DUSP22: variants seen among roughly 807,000 people sequenced by gnomAD.
DUSP22 encodes the protein dual specificity protein phosphatase 22.
In DUSP22, 24 loss-of-function variants were observed where a neutral mutation model predicts 24.5. That is an observed-to-expected ratio of 0.98 (90% confidence interval 0.71 to 1.38). The LOEUF (loss-of-function observed/expected upper bound fraction) is 1.38, where lower values mean the gene tolerates loss of function less well. Ranked by LOEUF, DUSP22 falls within the 40% of genes most tolerant of loss-of-function variation. DUSP22 has a pLI of 0.00. For missense variants in DUSP22, 330 were observed against 269.2 expected, an observed-to-expected ratio of 1.23 and a Z score of -1.58; for synonymous variants, 160 against 106.4, an observed-to-expected ratio of 1.50 and a Z score of -3.10.
At chr6:299,413 T>C (rs1277610914) in intron 1 of DUSP22, among the ~76,000 whole-genome samples, 10 of 152,298 alleles carry the variant, frequency 6.6e-5, no homozygotes, top group Non-Finnish European at 1.5e-4. Flanking sequence ...GGTCAAAATT[T>C]TTGGGTTTCA....
intron 1 of DUSP22, among the ~76,000 whole-genome samples, chr6:295,785 G>A (rs1319632545): frequency 1.1e-4 from 16 of 144,400 alleles, no homozygotes; most frequent in African/African-American, 4.0e-4. Flanking sequence ...GAGCGACAGA[G>A]CGAGACCCTG....
chr6:333,425 A>G (rs1373343752), intron 3 of DUSP22, among the ~76,000 whole-genome samples: 1 of 152,308 alleles, frequency 6.6e-6, no homozygotes, highest in African/African-American at 2.4e-5. Context: ...AACAAAATGT[A>G]CAGAAACTGT....
rs544399076 is a variant in DUSP22 at position 314,928 on chromosome 6, A to T, written c.138+2966A>T. ...GTTGGGGTTTCCCAAAATAGCATTC[A>T]TAGCATCTTGTACTCTTCCTAGCAG... On this transcript the variant is annotated intron_variant, in intron 3 of 6. Transcript: ENST00000419235. Among the ~76,000 whole-genome samples, 26 of 152,416 alleles carry T rather than the reference A, an allele frequency of 1.7e-4. No individual in the cohort carries two copies. In the East Asian group the frequency reaches 5.0e-3, roughly 29 times the overall value.
chr6:350,944 G>GT lies in DUSP22; in HGVS notation c.*1996dup. The stretch of plus-strand genomic sequence containing the variant: ...CTGCCAAAAAGAAAAGCAACATAGA[G>GT]TTTAAGTATCCAGTAGTGATTTGTA... On this transcript the variant is annotated 3_prime_UTR_variant, in exon 7 of 7. Coordinates refer to ENST00000419235, the MANE Select transcript of DUSP22 (RefSeq NM_001286555.3). 1.9e-6 allele frequency: 3 copies of GT among 1,568,826 alleles called. No homozygotes were observed. The highest frequency in any genetic ancestry group is 1.4e-5 in the African/African-American group (1 of 74,036).
chr6:299,000 G>T (rs1305269031), intron 1 of DUSP22, among the ~76,000 whole-genome samples: 1 of 152,306 alleles, frequency 6.6e-6, no homozygotes, highest in Non-Finnish European at 1.5e-5. Flanking sequence ...GACCTCCCTG[G>T]AAATGGTCAT....
intron 1 of DUSP22, among the ~76,000 whole-genome samples, chr6:294,570 T>C (rs1334496840): frequency 2.6e-5 from 4 of 152,398 alleles, no homozygotes; most frequent in African/African-American, 9.6e-5. Flanking sequence ...ATGTAACCAA[T>C]ATATAAAGTT....
At chr6:336,738 T>C (rs1759377080) in intron 4 of DUSP22, among the ~76,000 whole-genome samples, 1 of 152,304 alleles carries the variant, frequency 6.6e-6, no homozygotes, top group South Asian at 2.1e-4. Context: ...AGGGGGGATT[T>C]TCCTAGGAAA....
At chr6:344,895 C>G (rs2127420729) in intron 4 of DUSP22, among the ~76,000 whole-genome samples, 1 of 152,426 alleles carries the variant, frequency 6.6e-6, no homozygotes, top group African/African-American at 2.4e-5. Flanking sequence ...ACCTTCCTCA[C>G]CTGCGTCACG....
rs1411075485 is a variant in DUSP22, at chr6:350,581, CG to C, written c.*1632del. The C allele has an allele frequency of 3.6e-5, 51 of 1,413,914 alleles. No individual in the cohort carries two copies. The highest frequency in any genetic ancestry group is 4.6e-5 in the Non-Finnish European group (50 of 1,088,020). 87.6% of individuals were successfully genotyped at this position (1,413,914 alleles called of 1,614,324 possible). ...TGATTCCGCGCAGGTGCACAGGCCC[CG>C]GATGTACACCCGGAAAGGGGAGTGT... is the stretch of plus-strand genomic sequence containing the variant. On this transcript the variant is annotated 3_prime_UTR_variant, in exon 7 of 7. Coordinates refer to ENST00000419235, the MANE Select transcript of DUSP22 (RefSeq NM_001286555.3).
chr6:348,904 C>T lies in DUSP22; in HGVS notation c.571C>T (p.Pro191Ser). The change falls in exon 7 of 7, where the codon CCG becomes TCG. Residue 191 changes from proline to serine, a missense_variant. Physicochemically the swap from Pro to Ser is moderately conservative, Grantham distance 74. Transcript: ENST00000419235. ...CGGCGCCAGGCGGTGGAGCAGTTTT[C>T]CGGCACTGGCTCCGCTGACCTACGA... ...QPGARRWSSF[P>S]ALAPLTYDNY... 1 of 1,613,720 alleles carries T rather than the reference C, an allele frequency of 6.2e-7. No individual in the cohort carries two copies. Among genetic ancestry groups the T allele is most frequent in the Non-Finnish European group, 8.5e-7 (1 of 1,179,722 alleles).
At position 349,003 on chromosome 6, in the gene DUSP22, C is replaced by A; in HGVS notation, c.*52C>A. On this transcript the variant is annotated 3_prime_UTR_variant, in exon 7 of 7. Coordinates refer to ENST00000419235, the MANE Select transcript of DUSP22 (RefSeq NM_001286555.3). ...CACTGCTTGTCTTCAGTGTGCCCGG[C>A]TGGGCAGGGGTGCGGTGGTGGTGGC... is the stretch of plus-strand genomic sequence containing the variant. The A allele has an allele frequency of 6.5e-7, 1 of 1,547,986 alleles. No homozygotes were observed. The highest frequency in any genetic ancestry group is 2.4e-5 in the East Asian group (1 of 40,928).
Position 311,940 on chromosome 6 carries a change from A to G in DUSP22, c.116A>G (p.Asp39Gly). The change falls in exon 3 of 7, where the codon GAT becomes GGT. Residue 39 changes from aspartate (D) to glycine (G), a missense_variant. By Grantham distance (94) the Asp-to-Gly change is moderately conservative. Coordinates refer to ENST00000419235, the MANE Select transcript of DUSP22 (RefSeq NM_001286555.3). ...NKVTHILSVH[D>G]SARPMLEGVK... ...GTGACACATATTCTGTCTGTCCACG[A>G]TAGTGCCAGGCCTATGTTGGAGGTA... The G allele has an allele frequency of 6.2e-7, 1 of 1,612,600 alleles. No individual in the cohort carries two copies. The highest frequency in any genetic ancestry group is 8.5e-7 in the Non-Finnish European group (1 of 1,179,076).
chr6:339,410 T>C (rs1759498233), intron 4 of DUSP22, among the ~76,000 whole-genome samples: 1 of 152,308 alleles, frequency 6.6e-6, no homozygotes, highest in Non-Finnish European at 1.5e-5. Flanking sequence ...ATATTTTCTG[T>C]CTATTCAAGT....
chr6:308,223 C>G (rs1404480926), intron 2 of DUSP22, among the ~76,000 whole-genome samples: 1 of 152,252 alleles, frequency 6.6e-6, no homozygotes, highest in Non-Finnish European at 1.5e-5. Flanking sequence ...TTCTGCCCCT[C>G]TAGGTCTGTG....
chr6:339,836 C>T (rs879555245), intron 4 of DUSP22, among the ~76,000 whole-genome samples: 32 of 152,386 alleles, frequency 2.1e-4, no homozygotes, highest in Admixed American at 7.2e-4. Flanking sequence ...CTCTCATTTA[C>T]GTTTTTCTTT....
At chr6:330,950 C>T (rs1185130968) in intron 3 of DUSP22, among the ~76,000 whole-genome samples, 1 of 152,308 alleles carries the variant, frequency 6.6e-6, no homozygotes, top group Non-Finnish European at 1.5e-5. Flanking sequence ...ACACCTGGTC[C>T]CCTCAACACA....
intron 6 of DUSP22, 96 bp downstream of exon 6, chr6:348,370 G>A (rs1269341937): frequency 6.4e-7 from 1 of 1,564,198 alleles, no homozygotes; most frequent in African/African-American, 1.4e-5. Flanking sequence ...GGCGTTTGGA[G>A]TTGAAAGGCC....
At chr6:327,239 C>T (rs1308144588) in intron 3 of DUSP22, among the ~76,000 whole-genome samples, 1 of 152,310 alleles carries the variant, frequency 6.6e-6, no homozygotes, top group Non-Finnish European at 1.5e-5. Context: ...CCCAGAAATG[C>T]CCAGCATCTT....
intron 3 of DUSP22, among the ~76,000 whole-genome samples, chr6:316,480 C>G (rs1279861657): frequency 6.6e-6 from 1 of 152,298 alleles, no homozygotes; most frequent in South Asian, 2.1e-4. Context: ...TTTGTGGGGA[C>G]GGGTGGGAGC....
Sources: allele counts gnomAD v4.1 joint callset (sites outside exome capture counted in the v4.1 genomes callset), GRCh38; gene constraint gnomAD v4.1.1; transcripts MANE v1.5; gene names NCBI Gene and HGNC (gene_info 2026-07-23, HGNC 2026-07-21).